Variants in EPHB1 observed in about 807,000 individuals in gnomAD.
EPHB1 encodes the protein EPH receptor B1, also known as ephrin type-B receptor 1.
EPHB1 carries 30 observed loss-of-function variants against 94.4 expected under a neutral mutation model. The observed-to-expected ratio is 0.32, with a 90% CI of 0.24 to 0.43. The LOEUF is 0.43. Among genes scored for constraint, EPHB1 ranks in the 20% least tolerant of loss-of-function variants. EPHB1 has a pLI of 1.00. For missense variants in EPHB1, 1,055 were observed against 1,308.3 expected, an observed-to-expected ratio of 0.81 and a Z score of 2.99; for synonymous variants, 522 against 489.1, an observed-to-expected ratio of 1.07 and a Z score of -0.89.
At chr3:135,153,768 C>A (rs1355428937) in intron 5 of EPHB1, among the ~76,000 whole-genome samples, 4 of 152,222 alleles carry the variant, frequency 2.6e-5, no homozygotes, top group African/African-American at 9.6e-5. Context: ...GCTCAGCCCA[C>A]AACTGCAAGA....
intron 3 of EPHB1, among the ~76,000 whole-genome samples, chr3:134,976,276 G>A (rs1180114707): frequency 6.6e-6 from 1 of 152,178 alleles, no homozygotes; most frequent in Non-Finnish European, 1.5e-5. Flanking sequence ...GAGAGGAGGC[G>A]CCAAGGACAG....
At chr3:134,971,866 G>A (rs1288361348) in intron 3 of EPHB1, among the ~76,000 whole-genome samples, 2 of 152,206 alleles carry the variant, frequency 1.3e-5, no homozygotes, top group South Asian at 2.1e-4. Flanking sequence ...TGACCAAGTG[G>A]GCTAAAATTC....
In EPHB1 at chr3:134,949,207, G is replaced by A. The variant is rs184054855; in HGVS notation, c.124-2164G>A. On this transcript the variant is annotated intron_variant, in intron 2 of 15. Coordinates refer to ENST00000398015, the MANE Select transcript of EPHB1 (RefSeq NM_004441.5). ...TGCTGCAAGGATACTGGCAGGAGCTGATCTGTTGGTGAGGGACTGGCAGGA... is the reference window on the plus strand; with the variant it reads ...TGCTGCAAGGATACTGGCAGGAGCTAATCTGTTGGTGAGGGACTGGCAGGA... Among the ~76,000 whole-genome samples the A allele has an allele frequency of 3.3e-5, 5 of 152,262 alleles. No individual in the cohort carries two copies. The East Asian group carries it at 9.6e-4, about 29-fold the overall frequency.
chr3:135,082,373 C>T (rs925237543), intron 3 of EPHB1, among the ~76,000 whole-genome samples: 11 of 152,150 alleles, frequency 7.2e-5, no homozygotes, highest in East Asian at 1.9e-4. Flanking sequence ...ACGATGATAA[C>T]GATGATGAAG....
intron 1 of EPHB1, among the ~76,000 whole-genome samples, chr3:134,805,510 C>A (rs2036025999): frequency 6.6e-6 from 1 of 152,126 alleles, no homozygotes; most frequent in African/African-American, 2.4e-5. Context: ...CATTGCAAGA[C>A]CCTACATCAC....
intron 3 of EPHB1, among the ~76,000 whole-genome samples, chr3:135,005,297 A>G (rs1251942257): frequency 6.6e-6 from 1 of 152,202 alleles, no homozygotes; most frequent in Non-Finnish European, 1.5e-5. Flanking sequence ...GACCCACTTG[A>G]GGAGGCAGTC....
At chr3:135,061,375 C>CCCT (rs1553727859) in intron 3 of EPHB1, among the ~76,000 whole-genome samples, 1 of 137,890 alleles carries the variant, frequency 7.3e-6, no homozygotes, top group South Asian at 2.7e-4. Flanking sequence ...ACCACCCCCC[C>CCCT]CGACCCAAGT....
In EPHB1 at chr3:134,827,363, G is replaced by GCACA. The variant is rs61002729; in HGVS notation, c.58+31697_58+31700dup. On this transcript the variant is annotated intron_variant, in intron 1 of 15. Coordinates refer to ENST00000398015, the MANE Select transcript of EPHB1 (RefSeq NM_004441.5). ...TCAACAGATGTGCGCGGGTGCGCGT[G>GCACA]CACACACACACACACACACACACAC... Among the ~76,000 whole-genome samples, 816 of 150,866 alleles carry GCACA rather than the reference G, an allele frequency of 5.4e-3. 4 individuals carry two copies. The highest frequency in any genetic ancestry group is 0.011 in the African/African-American group (441 of 41,220).
intron 3 of EPHB1, among the ~76,000 whole-genome samples, chr3:134,994,028 A>C (rs1559786672): frequency 6.6e-6 from 1 of 152,184 alleles, no homozygotes. Flanking sequence ...TCTTCCATGA[A>C]GCCCTCCGGG....
At chr3:134,868,467 G>T (rs535342771) in intron 1 of EPHB1, among the ~76,000 whole-genome samples, 4 of 152,166 alleles carry the variant, frequency 2.6e-5, no homozygotes, top group Non-Finnish European at 2.9e-5. Context: ...TTCCAAGAAG[G>T]AAAATTGATT....
chr3:135,244,622 CTCCT>C (rs1275941157), intron 13 of EPHB1, among the ~76,000 whole-genome samples: 1 of 152,210 alleles, frequency 6.6e-6, no homozygotes, highest in Non-Finnish European at 1.5e-5. Context: ...TTTTCCACTC[CTCCT>C]TCCTGTTCCC....
intron 1 of EPHB1, among the ~76,000 whole-genome samples, chr3:134,815,716 T>C (rs1167944997): frequency 6.6e-6 from 1 of 152,260 alleles, no homozygotes; most frequent in Non-Finnish European, 1.5e-5. Context: ...AGCTGTTTAA[T>C]GTAGCTATTT....
chr3:134,956,741 T>C (rs763805714), intron 3 of EPHB1, among the ~76,000 whole-genome samples: 2 of 152,190 alleles, frequency 1.3e-5, no homozygotes, highest in Non-Finnish European at 2.9e-5. Flanking sequence ...TATGAGAATA[T>C]TTTCTAAGCC....
chr3:135,040,082 C>T (rs963649170), intron 3 of EPHB1, among the ~76,000 whole-genome samples: 2 of 152,200 alleles, frequency 1.3e-5, no homozygotes, highest in Admixed American at 1.3e-4. Context: ...GAATTCCTGA[C>T]CTGCAAAATC....
rs11917899 is a variant in EPHB1 at position 134,942,114 on chromosome 3, A to T, written c.124-9257A>T. ...TTGATTTGTTTCTTCTTTCACAAAG[A>T]CAGGTTAGCCTGGTGGCACCTGCAG... On this transcript the variant is annotated intron_variant, in intron 2 of 15. Coordinates refer to ENST00000398015, the MANE Select transcript of EPHB1 (RefSeq NM_004441.5). Among the ~76,000 whole-genome samples, 1,055 of 152,312 alleles carry T rather than the reference A, an allele frequency of 6.9e-3. 7 individuals are homozygous for T. The highest frequency in any genetic ancestry group is 0.024 in the African/African-American group (1,002 of 41,554).
intron 3 of EPHB1, among the ~76,000 whole-genome samples, chr3:135,047,017 A>C (rs962944412): frequency 3.9e-5 from 6 of 152,038 alleles, no homozygotes; most frequent in African/African-American, 1.2e-4. Flanking sequence ...TGAGTTGGAG[A>C]GAGTAGAGGG....
intron 13 of EPHB1, among the ~76,000 whole-genome samples, chr3:135,247,343 G>A (rs11715833): frequency 0.35 from 53,028 of 151,956 alleles, 9,334 homozygotes; most frequent in South Asian, 0.43. Flanking sequence ...ACCTGTTACA[G>A]TATGAGCATA....
At chr3:135,232,682 G>T (rs1266742743) in intron 12 of EPHB1, among the ~76,000 whole-genome samples, 1 of 152,124 alleles carries the variant, frequency 6.6e-6, no homozygotes, top group Middle Eastern at 3.2e-3. Context: ...AATATTTGCT[G>T]TATTAGTCTG....
intron 10 of EPHB1, among the ~76,000 whole-genome samples, chr3:135,186,554 T>G (rs1293184992): frequency 1.3e-5 from 2 of 152,124 alleles, no homozygotes; most frequent in Non-Finnish European, 2.9e-5. Context: ...TTCCTTTTTT[T>G]CCCCCCAAGG....
Sources: gnomAD v4.1 joint callset for allele counts (sites outside exome capture counted in the v4.1 genomes callset) on GRCh38, gnomAD v4.1.1 for gene constraint, MANE v1.5 for transcripts, NCBI Gene and HGNC (gene_info 2026-07-23, HGNC 2026-07-21) for gene names.